TCF20: variants seen among roughly 807,000 people sequenced by gnomAD.
TCF20 encodes the protein SPRE-binding protein.
In TCF20, 3 loss-of-function variants were observed where a neutral mutation model predicts 148.6. The ratio of observed to expected loss-of-function variants is 0.02; its 90% confidence interval spans 0.01 to 0.05. The LOEUF (loss-of-function observed/expected upper bound fraction) is 0.05. TCF20 is among the 10% of genes least tolerant of loss of function. The probability of loss-of-function intolerance (pLI) is 1.00; values close to 1 mark genes in which losing one functional copy is unlikely to be tolerated. For missense variants in TCF20, 2,350 were observed against 2,429.3 expected (o/e 0.97, Z 0.69); for synonymous variants, 1,049 against 909.5 (o/e 1.15, Z -2.76).
intron 1 of TCF20, among the ~76,000 whole-genome samples, chr22:42,310,620 A>G (rs1010713448): frequency 1.3e-5 from 2 of 150,358 alleles, no homozygotes; most frequent in African/African-American, 2.5e-5. Flanking sequence ...GGCAGCCCGC[A>G]TGGCTGGAAT....
chr22:42,180,985 T>C (rs567528094), intron 2 of TCF20, among the ~76,000 whole-genome samples: 10 of 152,358 alleles, frequency 6.6e-5, no homozygotes, highest in African/African-American at 1.9e-4. Context: ...ATGTTTATCA[T>C]GTGCCCTCGC....
chr22:42,207,161 C>T (rs950527512), intron 2 of TCF20, among the ~76,000 whole-genome samples: 9 of 152,066 alleles, frequency 5.9e-5, no homozygotes, highest in Non-Finnish European at 1.0e-4. Context: ...AGATCCTTAA[C>T]CCAGTTCAAC....
intron 1 of TCF20, among the ~76,000 whole-genome samples, chr22:42,234,591 T>TAG (rs1311309608): frequency 5.3e-5 from 8 of 152,202 alleles, no homozygotes; most frequent in African/African-American, 1.9e-4. Flanking sequence ...AACAATGTGC[T>TAG]AGTTCTTGCT....
chr22:42,322,642 ATGAG>A (rs996668206), intron 1 of TCF20, among the ~76,000 whole-genome samples: 1 of 151,824 alleles, frequency 6.6e-6, no homozygotes, highest in African/African-American at 2.4e-5. Context: ...GAGTGACCAA[ATGAG>A]TGAGTGAGTG....
chr22:42,272,166 C>CG (rs1261775899), upstream of TCF20, among the ~76,000 whole-genome samples: 2 of 152,244 alleles, frequency 1.3e-5, no homozygotes, highest in African/African-American at 4.8e-5. Context: ...GAACAAGCCA[C>CG]GGGGCCCTGC....
chr22:42,300,770 T>C (rs929216578), intron 1 of TCF20, among the ~76,000 whole-genome samples: 1 of 152,114 alleles, frequency 6.6e-6, no homozygotes, highest in Admixed American at 6.5e-5. Flanking sequence ...AACCCAGGCC[T>C]GCCTCTCTGC....
At chr22:42,267,572 G>T (rs574283553) in intron 1 of TCF20, among the ~76,000 whole-genome samples, 23 of 151,736 alleles carry the variant, frequency 1.5e-4, no homozygotes, top group Non-Finnish European at 2.9e-4. Flanking sequence ...GTGGTGGTGC[G>T]CACCTGTAGT....
chr22:42,251,355 A>AT (rs996537935), intron 1 of TCF20, among the ~76,000 whole-genome samples: 13 of 151,760 alleles, frequency 8.6e-5, no homozygotes, highest in East Asian at 5.8e-4. Context: ...TAATTTTTGT[A>AT]TTTTTTTGTA....
intron 2 of TCF20, among the ~76,000 whole-genome samples, chr22:42,195,243 C>T (rs936645894): frequency 6.6e-6 from 1 of 151,416 alleles, no homozygotes; most frequent in Non-Finnish European, 1.5e-5. Flanking sequence ...CACTGAAACT[C>T]ATGAACAACA....
chr22:42,317,729 T>C lies in TCF20; in HGVS notation c.-37+25750A>G, dbSNP rs1280385547. 6.6e-6 allele frequency among the ~76,000 whole-genome samples: 1 copy of C among 151,770 alleles called. No homozygotes were observed. The highest frequency in any genetic ancestry group is 1.5e-5 in the Non-Finnish European group (1 of 67,938). ...GTGGGCCTTTCCCACGGTCCAGCAG[T>C]GGGGAGGGTGGAAGAAGGGAGCCGA... On this transcript the variant is annotated intron_variant, in intron 1 of 1. Coordinates refer to the TCF20 transcript ENST00000515426. The surrounding 1 kb of genome is among the most constrained non-coding windows in gnomAD (Gnocchi z 4.2).
intron 2 of TCF20, among the ~76,000 whole-genome samples, chr22:42,180,593 T>C (rs907750712): frequency 2.6e-5 from 4 of 152,188 alleles, no homozygotes; most frequent in African/African-American, 7.2e-5. Context: ...CAGAAACTTG[T>C]TCCTGCTTCT....
At chr22:42,221,794 A>T (rs144223914) in intron 1 of TCF20, among the ~76,000 whole-genome samples, 14 of 124,320 alleles carry the variant, frequency 1.1e-4, no homozygotes, top group African/African-American at 4.2e-4. Context: ...GCTGGAGTGC[A>T]GTGGCGATAT....
chr22:42,163,853 T>C (rs899281385), intron 5 of TCF20, among the ~76,000 whole-genome samples: 3 of 152,204 alleles, frequency 2.0e-5, no homozygotes, highest in Non-Finnish European at 4.4e-5. Context: ...GGTTTCGTCT[T>C]GGGCCAACAC....
intron 1 of TCF20, among the ~76,000 whole-genome samples, chr22:42,321,444 C>T (rs1482163572): frequency 6.9e-6 from 1 of 145,318 alleles, no homozygotes; most frequent in East Asian, 1.9e-4. Context: ...CCATATGCAG[C>T]TCTACACCCC....
At chr22:42,188,208 C>T (rs1444041860) in intron 2 of TCF20, among the ~76,000 whole-genome samples, 1 of 138,204 alleles carries the variant, frequency 7.2e-6, no homozygotes, top group Non-Finnish European at 1.5e-5. Context: ...GCAGGAGAAT[C>T]GTTTGAACCT....
chr22:42,298,249 G>C (rs913211305), intron 1 of TCF20, among the ~76,000 whole-genome samples: 1 of 152,244 alleles, frequency 6.6e-6, no homozygotes, highest in African/African-American at 2.4e-5. Context: ...GATGGAGCAG[G>C]GGATGAGTGA....
chr22:42,218,872 T>C (rs185808537), intron 1 of TCF20, among the ~76,000 whole-genome samples: 1 of 151,636 alleles, frequency 6.6e-6, no homozygotes, highest in Non-Finnish European at 1.5e-5. Context: ...CCTTTCCCTA[T>C]TGTTATGGTT....
chr22:42,178,424 T>C (rs1447254082), intron 3 of TCF20, among the ~76,000 whole-genome samples: 1 of 151,582 alleles, frequency 6.6e-6, no homozygotes, highest in Non-Finnish European at 1.5e-5. Flanking sequence ...GGGGCTGCAC[T>C]AACTCTGCTT....
At chr22:42,262,901 A>C (rs1247339631) in intron 1 of TCF20, among the ~76,000 whole-genome samples, 1 of 152,136 alleles carries the variant, frequency 6.6e-6, no homozygotes, top group Non-Finnish European at 1.5e-5. Context: ...TGAGAACATA[A>C]AATCAACAGA....
Sources: allele counts gnomAD v4.1 joint callset (sites outside exome capture counted in the v4.1 genomes callset), GRCh38; gene constraint gnomAD v4.1.1; non-coding constraint Gnocchi (gnomAD v3.1); transcripts MANE v1.5; gene names NCBI Gene and HGNC (gene_info 2026-07-23, HGNC 2026-07-21).